Variants in DDX31 observed in about 807,000 individuals in gnomAD.
The protein encoded by DDX31 is ATP-dependent DNA helicase DDX31.
A neutral mutation model predicts 91.3 loss-of-function variants in DDX31; 70 were observed. That is an observed-to-expected ratio of 0.77 (90% CI 0.63 to 0.94). The LOEUF (loss-of-function observed/expected upper bound fraction) is 0.94, where lower values mean the gene tolerates loss of function less well. Ranked by LOEUF, DDX31 falls within the 40% of genes least tolerant of loss-of-function variation. The pLI is 0.00. For missense variants in DDX31, 902 were observed against 925.0 expected (o/e 0.98, Z 0.32); for synonymous variants, 362 against 350.6 (o/e 1.03, Z -0.36).
In DDX31 at chr9:132,625,734, A is replaced by G; in HGVS notation, c.1643T>C (p.Ile548Thr). The G allele has an allele frequency of 2.5e-6, 4 of 1,613,628 alleles. No individual in the cohort carries two copies. The highest frequency in any genetic ancestry group is 3.4e-6 in the Non-Finnish European group (4 of 1,179,870). Residue 548 changes from isoleucine (I) to threonine (T), a missense_variant, in exon 17 of 20, where the codon ATT becomes ACT. By Grantham distance (89) the Ile-to-Thr change is moderately conservative (BLOSUM62 -1). Coordinates refer to ENST00000372159, the MANE Select transcript of DDX31 (RefSeq NM_022779.9). ...LASHKINVSE[I>T]KMEDILCVLT... is the part of the protein sequence containing the mutation. ...AACACACAAAATATCTTCCATCTTA[A>G]TCTCAGAAACGCTGTAAAAGGAAGG...
rs962731975 is a variant in DDX31 at position 132,630,460 on chromosome 9, G to A, written c.1492-57C>T. The A allele has an allele frequency of 1.9e-5, 29 of 1,522,724 alleles. No individual in the cohort carries two copies. The African/African-American group carries it at 3.0e-4, about 16-fold the overall frequency. The allele number at this position is 1,522,724 out of a possible 1,614,324, so 94.3% of individuals were successfully genotyped here. ...TAGATCAAGGGACTGCCATTAATTGGAAGTGCAATACTCCTCACCTGCCTC... is the reference window on the plus strand; with the variant it reads ...TAGATCAAGGGACTGCCATTAATTGAAAGTGCAATACTCCTCACCTGCCTC... On this transcript the variant is annotated intron_variant, in intron 15 of 19. Transcript: ENST00000372159.
At chr9:132,656,919 T>C (rs13294925) in intron 6 of DDX31, among the ~76,000 whole-genome samples, 44,503 of 152,068 alleles carry the variant, frequency 0.29, 6,885 homozygotes, top group Middle Eastern at 0.42. Context: ...TTTACACAAA[T>C]TCTCTCACCG....
intron 6 of DDX31, among the ~76,000 whole-genome samples, chr9:132,654,935 GACTCTGTCTCAAAAAA>G (rs1275420569): frequency 1.6e-5 from 2 of 122,434 alleles, no homozygotes; most frequent in Non-Finnish European, 3.2e-5. Context: ...AACAGAGCGA[GACTCTGTCTCAAAAAA>G]AAAAAAAAAA....
At chr9:132,612,304 A>C in intron 18 of DDX31, 49 bp from the exon 19 acceptor site, 1 of 1,610,152 alleles carries the variant, frequency 6.2e-7, no homozygotes, top group Non-Finnish European at 8.5e-7. Context: ...CGGGGTCTCC[A>C]AGCTCCAAAG....
At chr9:132,669,573 C>T in intron 1 of DDX31, 3 of 1,472,844 alleles carry the variant, frequency 2.0e-6, no homozygotes, top group Non-Finnish European at 2.7e-6. Context: ...GTCCTACCTT[C>T]CACGGGAAAC....
chr9:132,625,265 G>C (rs959673315), intron 17 of DDX31, among the ~76,000 whole-genome samples: 1 of 152,110 alleles, frequency 6.6e-6, no homozygotes, highest in African/African-American at 2.4e-5. Context: ...TGTCTGAAAG[G>C]AGACACAGAG....
In DDX31 at chr9:132,604,999, G is replaced by A. The variant is rs60317478; in HGVS notation, c.1994+7088C>T. On this transcript the variant is annotated intron_variant, in intron 19 of 19. Coordinates refer to ENST00000372159, the MANE Select transcript of DDX31 (RefSeq NM_022779.9). Reference sequence around the variant, plus strand: ...TCCTTCCTGAGGATGCCTTTATGTGGGGAAGGAGATCCCAACCCCAGGCCT... The same window carrying A: ...TCCTTCCTGAGGATGCCTTTATGTGAGGAAGGAGATCCCAACCCCAGGCCT... 7.6e-3 allele frequency among the ~76,000 whole-genome samples: 1,159 copies of A among 152,318 alleles called. 11 individuals are homozygous for A. Among genetic ancestry groups the A allele is most frequent in the African/African-American group, 0.022 (913 of 41,568 alleles).
Position 132,669,890 on chromosome 9 carries a change from G to A in DDX31, c.45C>T (p.Phe15=), listed in dbSNP as rs370595479. ...DGSLFDNPRT[F]SRRPPAQASR... ...TCGCCTGGGCTGGGGGACGTCTGGA[G>A]AACGTCCTGGGGTTGTCGAAGAGCG... is the stretch of plus-strand genomic sequence containing the variant. Residue 15 remains phenylalanine, a synonymous_variant, in exon 1 of 20, where the codon TTC becomes TTT. Coordinates refer to ENST00000372159, the MANE Select transcript of DDX31 (RefSeq NM_022779.9). 3.1e-6 allele frequency: 5 copies of A among 1,595,870 alleles called. No homozygotes were observed. Among genetic ancestry groups the A allele is most frequent in the Non-Finnish European group, 1.7e-6 (2 of 1,172,280 alleles).
At chr9:132,602,697 A>G (rs1479933682) in intron 19 of DDX31, among the ~76,000 whole-genome samples, 1 of 152,194 alleles carries the variant, frequency 6.6e-6, no homozygotes. Context: ...CACTCTTGGA[A>G]GTTTGGCCAA....
chr9:132,667,319 T>C (rs1049648190), intron 1 of DDX31, among the ~76,000 whole-genome samples: 2 of 151,784 alleles, frequency 1.3e-5, no homozygotes, highest in Non-Finnish European at 2.9e-5. Flanking sequence ...AAAATGTAGA[T>C]CTAGGCCTGG....
chr9:132,629,671 T>C (rs4962201), intron 16 of DDX31, among the ~76,000 whole-genome samples: 45,779 of 152,192 alleles, frequency 0.3, 7,230 homozygotes, highest in Middle Eastern at 0.41. Flanking sequence ...GAAATAAGAC[T>C]ATCCCATTTA....
intron 9 of DDX31, 118 bp from the exon 10 acceptor site, chr9:132,648,669 G>A: frequency 8.1e-7 from 1 of 1,233,054 alleles, no homozygotes. Flanking sequence ...ACGTGCCATA[G>A]CCTGAAATCA....
chr9:132,609,132 C>T (rs1831185063), intron 19 of DDX31, among the ~76,000 whole-genome samples: 1 of 152,146 alleles, frequency 6.6e-6, no homozygotes. Flanking sequence ...GTAGCTGTAA[C>T]AGAGTGGGGA....
intron 6 of DDX31, among the ~76,000 whole-genome samples, chr9:132,654,632 A>G (rs1414643803): frequency 6.6e-6 from 1 of 151,588 alleles, no homozygotes; most frequent in Non-Finnish European, 1.5e-5. Context: ...AAAACAAAAC[A>G]AAACAAAATT....
intron 1 of DDX31, among the ~76,000 whole-genome samples, chr9:132,663,996 G>C (rs866025354): frequency 1.9e-4 from 29 of 152,022 alleles, no homozygotes; most frequent in Middle Eastern, 3.2e-3. Context: ...ACTCTTAAAG[G>C]CCACTCCCGC....
chr9:132,648,744 T>C (rs1032711227), intron 9 of DDX31, among the ~76,000 whole-genome samples, 193 bp from the exon 10 acceptor site: 3 of 152,228 alleles, frequency 2.0e-5, no homozygotes, highest in Admixed American at 6.5e-5. Flanking sequence ...TGAAATGCAA[T>C]TGTTAAGATC....
intron 14 of DDX31, among the ~76,000 whole-genome samples, chr9:132,639,498 G>C (rs913283116): frequency 6.6e-6 from 1 of 152,240 alleles, no homozygotes. Context: ...AGGGCGCAGA[G>C]GGCTGGGAGG....
intron 18 of DDX31, among the ~76,000 whole-genome samples, chr9:132,615,491 A>G (rs1310713715): frequency 6.6e-6 from 1 of 151,878 alleles, no homozygotes; most frequent in Admixed American, 6.5e-5. Flanking sequence ...AAGACAAAGC[A>G]TTTGGTAAAG....
chr9:132,658,245 G>A, intron 6 of DDX31: 2 of 702,234 alleles, frequency 2.8e-6, no homozygotes, highest in South Asian at 1.5e-5. Flanking sequence ...GGTCTCTGCA[G>A]CCAAACAGAA....
Sources: gnomAD v4.1 joint callset for allele counts (sites outside exome capture counted in the v4.1 genomes callset) on GRCh38, gnomAD v4.1.1 for gene constraint, MANE v1.5 for transcripts, NCBI Gene and HGNC (gene_info 2026-07-23, HGNC 2026-07-21) for gene names.